The following BMP5 variants were observed in gnomAD, a reference collection of about 807,000 sequenced individuals.
The protein encoded by BMP5 is bone morphogenetic protein 5.
BMP5 carries 23 observed loss-of-function variants against 46.6 expected under a neutral mutation model. The ratio of observed to expected loss-of-function variants is 0.49; its 90% CI spans 0.35 to 0.70. BMP5 has a LOEUF of 0.70. BMP5 is among the 30% of genes least tolerant of loss of function. The pLI is 0.00. For missense variants in BMP5, 545 were observed against 565.6 expected (o/e 0.96, Z 0.37); for synonymous variants, 204 against 191.9 (o/e 1.06, Z -0.52).
chr6:55,769,236 T>A (rs1582049296), intron 4 of BMP5, among the ~76,000 whole-genome samples: 2 of 152,010 alleles, frequency 1.3e-5, no homozygotes, highest in Middle Eastern at 3.4e-3. Flanking sequence ...CTTTACTTTG[T>A]GAAGGTCTTC....
chr6:55,757,094 AT>A (rs919564168), intron 6 of BMP5, among the ~76,000 whole-genome samples: 37 of 151,786 alleles, frequency 2.4e-4, no homozygotes, highest in African/African-American at 5.6e-4. Context: ...TTTGTGTCAG[AT>A]TTTTTTTATA....
At chr6:55,827,481 A>G (rs1414990003) in intron 1 of BMP5, among the ~76,000 whole-genome samples, 1 of 151,764 alleles carries the variant, frequency 6.6e-6, no homozygotes, top group Non-Finnish European at 1.5e-5. Context: ...TTGGTGGAAC[A>G]CGTAGCACAT....
chr6:55,757,912 G>C (rs1408176694), intron 6 of BMP5, among the ~76,000 whole-genome samples: 1 of 151,896 alleles, frequency 6.6e-6, no homozygotes, highest in East Asian at 1.9e-4. Flanking sequence ...TAAATATCAA[G>C]TCATTCAAGT....
intron 4 of BMP5, among the ~76,000 whole-genome samples, chr6:55,767,109 A>T (rs1039422315): frequency 6.6e-6 from 1 of 152,038 alleles, no homozygotes; most frequent in Non-Finnish European, 1.5e-5. Context: ...CAACAGACAC[A>T]ATGCCTTAAT....
Position 55,803,961 on chromosome 6 carries a change from G to A in BMP5, c.684-9534C>T, listed in dbSNP as rs374924124. On this transcript the variant is annotated intron_variant, in intron 2 of 6. Transcript: ENST00000370830. ...CTAACTTTAGACCCATCACAAGATA[G>A]AGAAGCAACAGCCTTACAAGAACTA... Among the ~76,000 whole-genome samples, 81 of 152,312 alleles carry A rather than the reference G, an allele frequency of 5.3e-4. No homozygotes were observed. The South Asian group carries it at 0.017, about 31-fold the overall frequency.
At chr6:55,767,355 G>A (rs910839849) in intron 4 of BMP5, among the ~76,000 whole-genome samples, 6 of 151,962 alleles carry the variant, frequency 3.9e-5, no homozygotes, top group African/African-American at 1.4e-4. Context: ...AACACTTAAT[G>A]AGCATTTGCC....
At chr6:55,832,028 C>G (rs75598479) in intron 1 of BMP5, among the ~76,000 whole-genome samples, 2 of 152,068 alleles carry the variant, frequency 1.3e-5, no homozygotes, top group Non-Finnish European at 2.9e-5. Context: ...GCAAATAGTC[C>G]GTACTGGAAA....
chr6:55,780,992 A>T (rs1341942851), intron 3 of BMP5, among the ~76,000 whole-genome samples: 2 of 152,114 alleles, frequency 1.3e-5, no homozygotes, highest in East Asian at 3.9e-4. Flanking sequence ...AGCCCAACAA[A>T]TGTGTTTTAC....
At chr6:55,773,003 C>A in intron 4 of BMP5, 2 of 815,422 alleles carry the variant, frequency 2.5e-6, no homozygotes, top group Non-Finnish European at 3.0e-6. Context: ...TGCTGTATGA[C>A]CTGTCATTTT....
At chr6:55,778,551 AAAACAAAAAAC>A (rs1775233366) in intron 3 of BMP5, among the ~76,000 whole-genome samples, 1 of 152,070 alleles carries the variant, frequency 6.6e-6, no homozygotes, top group Non-Finnish European at 1.5e-5. Context: ...AAAACAAAAC[AAAACAAAAAAC>A]AAACAAAAAT....
intron 1 of BMP5, among the ~76,000 whole-genome samples, chr6:55,856,758 G>T (rs56681477): frequency 6.6e-6 from 1 of 151,918 alleles, no homozygotes; most frequent in East Asian, 1.9e-4. Context: ...CAAAAATCAT[G>T]ATTTCATACA....
intron 2 of BMP5, among the ~76,000 whole-genome samples, chr6:55,802,665 T>C (rs1369830140): frequency 6.6e-6 from 1 of 152,116 alleles, no homozygotes; most frequent in African/African-American, 2.4e-5. Flanking sequence ...GAAATGAGTA[T>C]TGTAATATGG....
chr6:55,860,570 C>T (rs1182958552), intron 1 of BMP5, among the ~76,000 whole-genome samples: 3 of 151,918 alleles, frequency 2.0e-5, no homozygotes, highest in East Asian at 1.9e-4. Context: ...AGATTGGGTA[C>T]GAGTGGCTAA....
intron 4 of BMP5, chr6:55,772,832 G>A: frequency 5.1e-6 from 5 of 984,984 alleles, no homozygotes; most frequent in Non-Finnish European, 6.0e-6. Flanking sequence ...ACACAAATAG[G>A]ACTTCTAACG....
intron 1 of BMP5, among the ~76,000 whole-genome samples, chr6:55,835,086 CAAA>C (rs757850483): frequency 8.9e-6 from 1 of 112,578 alleles, no homozygotes. Flanking sequence ...AACTCCATCT[CAAA>C]AAAAAAAAAA....
At chr6:55,836,897 A>C (rs765179037) in intron 1 of BMP5, among the ~76,000 whole-genome samples, 2 of 152,202 alleles carry the variant, frequency 1.3e-5, no homozygotes, top group Non-Finnish European at 2.9e-5. Context: ...GGGATATAAA[A>C]ATTTTAAATC....
At chr6:55,843,506 T>C (rs1054356950) in intron 1 of BMP5, among the ~76,000 whole-genome samples, 5 of 152,026 alleles carry the variant, frequency 3.3e-5, no homozygotes, top group Non-Finnish European at 4.4e-5. Context: ...TGCTGTAATG[T>C]AACACACTGA....
intron 1 of BMP5, among the ~76,000 whole-genome samples, chr6:55,839,410 G>A (rs1776897720): frequency 6.6e-6 from 1 of 151,996 alleles, no homozygotes; most frequent in South Asian, 2.1e-4. Flanking sequence ...GCAGCCTCCT[G>A]AGCTCAAGCA....
At chr6:55,810,993 C>A (rs1776121384) in intron 2 of BMP5, among the ~76,000 whole-genome samples, 1 of 152,124 alleles carries the variant, frequency 6.6e-6, no homozygotes, top group Non-Finnish European at 1.5e-5. Flanking sequence ...CAGGTAAGAA[C>A]CTCTAAAATA....
Sources: gnomAD v4.1 joint callset for allele counts (sites outside exome capture counted in the v4.1 genomes callset) on GRCh38, gnomAD v4.1.1 for gene constraint, MANE v1.5 for transcripts, NCBI Gene and HGNC (gene_info 2026-07-23, HGNC 2026-07-21) for gene names.